CACNA1C: variants seen among roughly 807,000 people sequenced by gnomAD.
CACNA1C encodes the protein voltage-dependent L-type calcium channel subunit alpha-1C.
In CACNA1C, 30 loss-of-function variants were observed where a neutral mutation model predicts 229.0. The ratio of observed to expected loss-of-function variants is 0.13; its 90% CI spans 0.10 to 0.18. CACNA1C has a LOEUF of 0.18. Ranked by LOEUF, CACNA1C falls within the 10% of genes least tolerant of loss-of-function variation. CACNA1C has a pLI of 1.00. For missense variants in CACNA1C, 1,658 were observed against 2,845.0 expected (o/e 0.58, Z 9.49); for synonymous variants, 1,114 against 1,132.5 (o/e 0.98, Z 0.33).
At chr12:2,559,742 T>C (rs1238176715) in intron 11 of CACNA1C, among the ~76,000 whole-genome samples, 2 of 152,198 alleles carry the variant, frequency 1.3e-5, no homozygotes, top group African/African-American at 4.8e-5. Context: ...GCCATCCTTG[T>C]GATGAGGTTC....
chr12:2,649,819 G>A lies in CACNA1C; in HGVS notation c.3945+1312G>A, dbSNP rs894580151. On this transcript the variant is annotated intron_variant, in intron 31 of 46. Coordinates refer to ENST00000399655, the MANE Select transcript of CACNA1C (RefSeq NM_000719.7). This position sits in a 1 kb window ranked among gnomAD's most constrained non-coding sequence, Gnocchi z 4.4. ...CTTTTTTTTCTCCTTTCTCGAACAC[G>A]GTGGAACTGACAGCTGAGTTATAAA... 2.6e-5 allele frequency among the ~76,000 whole-genome samples: 4 copies of A among 151,828 alleles called. No homozygotes were observed. Among genetic ancestry groups the A allele is most frequent in the Admixed American group, 6.6e-5 (1 of 15,220 alleles).
intron 3 of CACNA1C, among the ~76,000 whole-genome samples, chr12:2,299,595 C>T (rs1350576932): frequency 6.6e-6 from 1 of 152,150 alleles, no homozygotes; most frequent in African/African-American, 2.4e-5. Context: ...ATTCCTAGGC[C>T]TCATCCACAT....
chr12:2,039,652 G>A (rs2049746080), intron 1 of CACNA1C, among the ~76,000 whole-genome samples: 1 of 152,168 alleles, frequency 6.6e-6, no homozygotes, highest in Non-Finnish European at 1.5e-5. Flanking sequence ...TAGAGATAGC[G>A]GTAGGCTCTA....
chr12:2,296,174 G>A (rs1260388579), intron 3 of CACNA1C, among the ~76,000 whole-genome samples: 1 of 152,226 alleles, frequency 6.6e-6, no homozygotes, highest in Non-Finnish European at 1.5e-5. Context: ...GAGCACAAAT[G>A]TTTATCCATG....
At chr12:2,379,697 C>A (rs978023628) in intron 3 of CACNA1C, among the ~76,000 whole-genome samples, 6 of 152,226 alleles carry the variant, frequency 3.9e-5, no homozygotes, top group Non-Finnish European at 8.8e-5. Flanking sequence ...CTTCCTTCAC[C>A]CATTACAGAG....
At chr12:2,431,297 A>G (rs1334568080) in intron 3 of CACNA1C, among the ~76,000 whole-genome samples, 1 of 152,118 alleles carries the variant, frequency 6.6e-6, no homozygotes, top group East Asian at 1.9e-4. Context: ...TTTGGGATCC[A>G]CTCATATACT....
At chr12:1,988,524 G>A (rs546326203) in intron 1 of CACNA1C, among the ~76,000 whole-genome samples, 5 of 152,274 alleles carry the variant, frequency 3.3e-5, no homozygotes, top group South Asian at 2.1e-4. Context: ...AGGAGGCAAC[G>A]CTCATGTTTG....
At chr12:2,676,912 G>T (rs960598817) in intron 39 of CACNA1C, 182 bp from the exon 40 acceptor site, 31 of 529,528 alleles carry the variant, frequency 5.9e-5, no homozygotes, top group African/African-American at 5.2e-4. Flanking sequence ...TGGTGGGAGA[G>T]ACTTTTGACC....
intron 3 of CACNA1C, among the ~76,000 whole-genome samples, chr12:2,361,224 C>T (rs1300463373): frequency 6.6e-6 from 1 of 151,162 alleles, no homozygotes; most frequent in Admixed American, 6.6e-5. Flanking sequence ...CCTTTTGGAC[C>T]AGCCACACCC....
In CACNA1C at chr12:2,285,841, G is replaced by A. The variant is rs560149815; in HGVS notation, c.478-163135G>A. ...TTTATTAGGAATTTACGTTATATGT[G>A]CAAGGAATACCACATGGATGGTAAA... On this transcript the variant is annotated intron_variant, in intron 3 of 46. Coordinates refer to ENST00000399655, the MANE Select transcript of CACNA1C (RefSeq NM_000719.7). This position sits in a 1 kb window ranked among gnomAD's most constrained non-coding sequence, Gnocchi z 4.2. Among the ~76,000 whole-genome samples the A allele has an allele frequency of 2.6e-4, 39 of 152,300 alleles. No homozygotes were observed. The highest frequency in any genetic ancestry group is 9.4e-4 in the African/African-American group (39 of 41,544).
chr12:2,451,543 C>A (rs2099369841), intron 4 of CACNA1C, among the ~76,000 whole-genome samples: 1 of 152,156 alleles, frequency 6.6e-6, no homozygotes, highest in Non-Finnish European at 1.5e-5. Context: ...GGAGCAGAGA[C>A]AAGAAATACA....
At chr12:2,153,674 C>G (rs2095410089) in intron 3 of CACNA1C, among the ~76,000 whole-genome samples, 1 of 152,330 alleles carries the variant, frequency 6.6e-6, no homozygotes, top group Non-Finnish European at 1.5e-5. Context: ...ACCATGAGGC[C>G]TCCGCCCTGC....
intron 3 of CACNA1C, among the ~76,000 whole-genome samples, chr12:2,260,505 GA>G (rs2079691193): frequency 1.3e-5 from 2 of 148,376 alleles, no homozygotes; most frequent in South Asian, 4.3e-4. Flanking sequence ...AGAACAAGAA[GA>G]AGAAAGAGAC....
At chr12:2,344,885 T>G (rs1019594415) in intron 3 of CACNA1C, among the ~76,000 whole-genome samples, 2 of 151,974 alleles carry the variant, frequency 1.3e-5, no homozygotes, top group African/African-American at 4.8e-5. Flanking sequence ...ATTGGACAGA[T>G]TTAACTGTTT....
rs772329798 is a variant in CACNA1C, at chr12:2,067,754, C to T, written c.49+14143C>T. Among the ~76,000 whole-genome samples the T allele has an allele frequency of 1.3e-5, 2 of 152,042 alleles. No homozygotes were observed. The highest frequency in any genetic ancestry group is 2.9e-5 in the Non-Finnish European group (2 of 68,014). On this transcript the variant is annotated intron_variant, in intron 1 of 46. Transcript: ENST00000399655. This position sits in a 1 kb window ranked among gnomAD's most constrained non-coding sequence, Gnocchi z 5.3. ...ACTGTTAACCTCAGTCAGGGCGCAA[C>T]GGTAGAAAGGAGGAGTGATGGGGCA...
intron 7 of CACNA1C, among the ~76,000 whole-genome samples, chr12:2,500,232 C>T (rs1210206827): frequency 6.6e-6 from 1 of 152,188 alleles, no homozygotes; most frequent in African/African-American, 2.4e-5. Flanking sequence ...GCGAGGGGGA[C>T]CCATGAGTTT....
chr12:2,434,901 A>T (rs1490698770), intron 3 of CACNA1C, among the ~76,000 whole-genome samples: 1 of 152,136 alleles, frequency 6.6e-6, no homozygotes, highest in Admixed American at 6.5e-5. Context: ...TCATCTAAAG[A>T]TTGCTTTTCA....
chr12:2,053,139 A>G lies in CACNA1C; in HGVS notation c.-424A>G. On this transcript the variant is annotated 5_prime_UTR_variant, in exon 1 of 47. Transcript: ENST00000399655. The surrounding 1 kb of genome is among the most constrained non-coding windows in gnomAD (Gnocchi z 5.8). ...CAGCAGAGAGCCGGGCAGGGGCCTC[A>G]GGAGGACTCGCTGGGAGTGGGCAGA... is the stretch of plus-strand genomic sequence containing the variant. 1.0e-6 allele frequency: 1 copy of G among 984,360 alleles called. No homozygotes were observed. The highest frequency in any genetic ancestry group is 1.2e-6 in the Non-Finnish European group (1 of 829,618). The allele number at this position is 984,360 out of a possible 1,614,324, so 61.0% of individuals were successfully genotyped here.
At chr12:2,375,404 C>T (rs923991778) in intron 3 of CACNA1C, among the ~76,000 whole-genome samples, 1 of 152,154 alleles carries the variant, frequency 6.6e-6, no homozygotes, top group Non-Finnish European at 1.5e-5. Context: ...TCAGGAGATG[C>T]GTTTCCTGGG....
Sources: gnomAD v4.1 joint callset for allele counts (sites outside exome capture counted in the v4.1 genomes callset) on GRCh38, gnomAD v4.1.1 for gene constraint, Gnocchi (gnomAD v3.1) non-coding constraint, MANE v1.5 for transcripts, NCBI Gene and HGNC (gene_info 2026-07-23, HGNC 2026-07-21) for gene names.